CCBE1: variants seen among roughly 807,000 people sequenced by gnomAD.
The protein encoded by CCBE1 is collagen and calcium binding EGF domains 1, also known as collagen and calcium-binding EGF domain-containing protein 1.
CCBE1 carries 37 observed loss-of-function variants against 50.0 expected under a neutral mutation model. The ratio of observed to expected loss-of-function variants is 0.74; its 90% CI spans 0.57 to 0.97. The LOEUF is 0.97. Ranked by LOEUF, CCBE1 falls within the 50% of genes least tolerant of loss-of-function variation. The probability of loss-of-function intolerance (pLI) is 0.00; values close to 1 mark genes in which losing one functional copy is unlikely to be tolerated. For missense variants in CCBE1, 538 were observed against 523.8 expected, an observed-to-expected ratio of 1.03 and a Z score of -0.26; for synonymous variants, 234 against 203.7, an observed-to-expected ratio of 1.15 and a Z score of -1.27.
At chr18:59,655,476 A>G (rs1029311982) in intron 2 of CCBE1, among the ~76,000 whole-genome samples, 2 of 152,152 alleles carry the variant, frequency 1.3e-5, no homozygotes, top group Non-Finnish European at 2.9e-5. Context: ...AAACATTTGA[A>G]TTCAGTTTCT....
intron 5 of CCBE1, among the ~76,000 whole-genome samples, chr18:59,464,396 C>G (rs1911643209): frequency 6.6e-6 from 1 of 152,198 alleles, no homozygotes; most frequent in African/African-American, 2.4e-5. Flanking sequence ...CCACTGCACT[C>G]CAGCACTCCA....
At chr18:59,622,723 C>A (rs2053729363) in intron 2 of CCBE1, among the ~76,000 whole-genome samples, 1 of 151,564 alleles carries the variant, frequency 6.6e-6, no homozygotes, top group Non-Finnish European at 1.5e-5. Context: ...ATCACTTGAA[C>A]CCGGGAGGCA....
intron 2 of CCBE1, among the ~76,000 whole-genome samples, chr18:59,579,321 G>A (rs1461566859): frequency 6.6e-6 from 1 of 151,816 alleles, no homozygotes; most frequent in Non-Finnish European, 1.5e-5. Context: ...ACAGGACGTG[G>A]ATCATGCACC....
chr18:59,591,598 G>C (rs191986684), intron 2 of CCBE1, among the ~76,000 whole-genome samples: 74 of 152,296 alleles, frequency 4.9e-4, no homozygotes, highest in African/African-American at 1.7e-3. Flanking sequence ...AGTGTGTTAA[G>C]AGATTTCCAA....
chr18:59,534,865 G>T (rs1375424146), intron 2 of CCBE1, among the ~76,000 whole-genome samples: 2 of 152,212 alleles, frequency 1.3e-5, no homozygotes, highest in Non-Finnish European at 2.9e-5. Flanking sequence ...TCTTGAGCAT[G>T]AGGAGGGAAG....
intron 2 of CCBE1, among the ~76,000 whole-genome samples, chr18:59,534,804 G>T (rs1915185396): frequency 6.6e-6 from 1 of 152,170 alleles, no homozygotes; most frequent in Non-Finnish European, 1.5e-5. Flanking sequence ...GGAATTCACA[G>T]CCTGTACATT....
intron 2 of CCBE1, among the ~76,000 whole-genome samples, chr18:59,691,143 T>A (rs1380417585): frequency 6.6e-6 from 1 of 152,254 alleles, no homozygotes; most frequent in Non-Finnish European, 1.5e-5. Context: ...AATCTTATTG[T>A]TTACTTTTAA....
At chr18:59,602,960 G>C (rs772268587) in intron 2 of CCBE1, among the ~76,000 whole-genome samples, 1 of 152,156 alleles carries the variant, frequency 6.6e-6, no homozygotes, top group Non-Finnish European at 1.5e-5. Flanking sequence ...GCCTTGTCTC[G>C]AATCATAAAA....
At chr18:59,569,209 G>A (rs1256413040) in intron 2 of CCBE1, among the ~76,000 whole-genome samples, 1 of 152,212 alleles carries the variant, frequency 6.6e-6, no homozygotes, top group Non-Finnish European at 1.5e-5. Context: ...TAAGGGCTGG[G>A]TTGGCTGTGG....
At chr18:59,552,814 T>C (rs1374706390) in intron 2 of CCBE1, among the ~76,000 whole-genome samples, 2 of 152,206 alleles carry the variant, frequency 1.3e-5, no homozygotes, top group African/African-American at 4.8e-5. Flanking sequence ...AAAATCACCA[T>C]ACACTTATGT....
At chr18:59,694,349 C>A (rs1444915583) in intron 2 of CCBE1, among the ~76,000 whole-genome samples, 2 of 152,142 alleles carry the variant, frequency 1.3e-5, no homozygotes, top group Non-Finnish European at 2.9e-5. Context: ...TCAAAGTAAC[C>A]TTTAAAGACT....
At chr18:59,570,647 T>G in intron 2 of CCBE1, among the ~76,000 whole-genome samples, 1 of 148,604 alleles carries the variant, frequency 6.7e-6, no homozygotes, top group South Asian at 2.1e-4. Context: ...CTCAAGAAAA[T>G]GAAAGGGAAG....
At chr18:59,459,986 T>C (rs570224568) in intron 5 of CCBE1, among the ~76,000 whole-genome samples, 3 of 152,276 alleles carry the variant, frequency 2.0e-5, no homozygotes, top group African/African-American at 7.2e-5. Context: ...CACGGTCACG[T>C]TATCAGAAAA....
At chr18:59,677,620 A>G (rs1457606628) in intron 2 of CCBE1, among the ~76,000 whole-genome samples, 1 of 152,124 alleles carries the variant, frequency 6.6e-6, no homozygotes, top group Non-Finnish European at 1.5e-5. Flanking sequence ...ACAGAGAAAG[A>G]TAAATTTTCC....
intron 2 of CCBE1, among the ~76,000 whole-genome samples, chr18:59,548,116 A>G (rs1263171100): frequency 6.6e-6 from 1 of 152,174 alleles, no homozygotes; most frequent in Non-Finnish European, 1.5e-5. Flanking sequence ...GAGAGAGACC[A>G]AGAGTTTATC....
rs150520313 is a variant in CCBE1, at chr18:59,696,326, G to A, written c.212+303C>T. ...CCACCCGTGTTTGCTATGCCCCACT[G>A]TTTACACCCAAAATCCAATCCAATC... On this transcript the variant is annotated intron_variant, in intron 2 of 10. Coordinates refer to ENST00000439986, the MANE Select transcript of CCBE1 (RefSeq NM_133459.4). The A allele has an allele frequency of 5.5e-4, 288 of 526,828 alleles. 3 individuals carry two copies. The highest frequency in any genetic ancestry group is 5.3e-3 in the African/African-American group (270 of 51,252). 32.6% of individuals were successfully genotyped at this position (526,828 alleles called of 1,614,324 possible).
At chr18:59,468,051 C>T (rs1911836715) in intron 4 of CCBE1, among the ~76,000 whole-genome samples, 2 of 152,292 alleles carry the variant, frequency 1.3e-5, no homozygotes, top group Middle Eastern at 3.4e-3. Flanking sequence ...AAATAGAACT[C>T]TTAGTAGAAG....
chr18:59,583,771 G>T (rs1165680592), intron 2 of CCBE1, among the ~76,000 whole-genome samples: 1 of 151,554 alleles, frequency 6.6e-6, no homozygotes, highest in Non-Finnish European at 1.5e-5. Flanking sequence ...CAATTTTTTT[G>T]TCTTAAGGGC....
chr18:59,517,889 CCCA>C (rs1914441395), intron 2 of CCBE1, among the ~76,000 whole-genome samples: 1 of 152,152 alleles, frequency 6.6e-6, no homozygotes, highest in Non-Finnish European at 1.5e-5. Context: ...GCTGGGGATT[CCCA>C]AGATCAAAAG....
Sources: allele counts gnomAD v4.1 joint callset (sites outside exome capture counted in the v4.1 genomes callset), GRCh38; gene constraint gnomAD v4.1.1; transcripts MANE v1.5; gene names NCBI Gene and HGNC (gene_info 2026-07-23, HGNC 2026-07-21).